The following LAMB1 variants were observed in gnomAD, a reference collection of about 807,000 sequenced individuals.
LAMB1 encodes the protein laminin subunit beta-1.
A neutral mutation model predicts 222.3 loss-of-function variants in LAMB1; 121 were observed. That is an observed-to-expected ratio of 0.54 (90% confidence interval 0.47 to 0.63). The LOEUF (loss-of-function observed/expected upper bound fraction) is 0.63, where lower values mean the gene tolerates loss of function less well. Ranked by LOEUF, LAMB1 falls within the 30% of genes least tolerant of loss-of-function variation. LAMB1 has a pLI of 0.00. For missense variants in LAMB1, 2,172 were observed against 2,240.8 expected, an observed-to-expected ratio of 0.97 and a Z score of 0.62; for synonymous variants, 794 against 807.2, an observed-to-expected ratio of 0.98 and a Z score of 0.28.
chr7:107,978,972 G>A (rs1268650677), intron 8 of LAMB1, among the ~76,000 whole-genome samples: 2 of 152,188 alleles, frequency 1.3e-5, no homozygotes, highest in East Asian at 1.9e-4. Flanking sequence ...AGGACAGACA[G>A]GTCCCTCCTG....
At chr7:107,963,171 C>A in intron 14 of LAMB1, 108 bp from the exon 15 acceptor site, 1 of 1,017,280 alleles carries the variant, frequency 9.8e-7, no homozygotes. Context: ...GGGTGGCTAC[C>A]TTATGTCTAT....
intron 26 of LAMB1, chr7:107,936,376 TA>T (rs906393096): frequency 1.3e-5 from 2 of 151,840 alleles, no homozygotes; most frequent in Admixed American, 1.3e-4. Context: ...GCCCATCTCT[TA>T]AAGAAAGAAA....
chr7:107,955,368 T>C (rs2033351493), intron 21 of LAMB1, 99 bp downstream of exon 21: 3 of 1,057,486 alleles, frequency 2.8e-6, no homozygotes, highest in Admixed American at 5.6e-5. Context: ...AAAAGTAGAC[T>C]TAATTGGTTC....
At chr7:107,939,851 A>C in intron 25 of LAMB1, 138 bp downstream of exon 25, 1 of 1,009,814 alleles carries the variant, frequency 9.9e-7, no homozygotes, top group Non-Finnish European at 1.5e-6. Context: ...GCTGGAAAAT[A>C]AATGGCTCAG....
At chr7:107,927,009 T>C (rs969938313) in intron 31 of LAMB1, among the ~76,000 whole-genome samples, 1 of 152,174 alleles carries the variant, frequency 6.6e-6, no homozygotes, top group Admixed American at 6.5e-5. Flanking sequence ...TTTTAAAAGC[T>C]AGCCAAAGTA....
chr7:107,999,715 C>T (rs2034347023), intron 3 of LAMB1: 1 of 149,846 alleles, frequency 6.7e-6, no homozygotes, highest in African/African-American at 2.5e-5. Flanking sequence ...AAAAGCACTT[C>T]ACAAATGCAT....
At chr7:107,948,707 T>C (rs1397613834) in intron 24 of LAMB1, among the ~76,000 whole-genome samples, 1 of 152,134 alleles carries the variant, frequency 6.6e-6, no homozygotes, top group East Asian at 1.9e-4. Flanking sequence ...TGTTTTCTTC[T>C]AATACAGGAG....
At chr7:107,992,306 G>A (rs2034201388) in intron 5 of LAMB1, among the ~76,000 whole-genome samples, 1 of 152,156 alleles carries the variant, frequency 6.6e-6, no homozygotes, top group African/African-American at 2.4e-5. Context: ...CTGAACTTCT[G>A]TTGTAGTCAT....
chr7:107,960,307 G>A (rs537074839), intron 18 of LAMB1, 138 bp downstream of exon 18: 73 of 630,102 alleles, frequency 1.2e-4, no homozygotes, highest in African/African-American at 9.7e-4. Context: ...AAAAGATAAA[G>A]ACAAACTGTA....
intron 31 of LAMB1, 107 bp from the exon 32 acceptor site, chr7:107,926,466 G>A: frequency 1.2e-6 from 1 of 838,720 alleles, no homozygotes; most frequent in Non-Finnish European, 1.8e-6. Flanking sequence ...TTTTGCTCTA[G>A]ACCAAAAGAA....
At chr7:107,951,481 G>T (rs900466362) in intron 23 of LAMB1, among the ~76,000 whole-genome samples, 159 bp from the exon 24 acceptor site, 1 of 152,192 alleles carries the variant, frequency 6.6e-6, no homozygotes, top group Non-Finnish European at 1.5e-5. Flanking sequence ...CGTAGGTGTC[G>T]AGAGCCCCAT....
chr7:107,951,622 C>G (rs191815454), intron 23 of LAMB1, among the ~76,000 whole-genome samples: 627 of 152,228 alleles, frequency 4.1e-3, no homozygotes, highest in African/African-American at 0.014. Flanking sequence ...ACTCGCCTGA[C>G]TTAGGGAGTA....
At chr7:107,956,426 C>T (rs1224425900) in intron 20 of LAMB1, among the ~76,000 whole-genome samples, 1 of 152,232 alleles carries the variant, frequency 6.6e-6, no homozygotes, top group East Asian at 1.9e-4. Flanking sequence ...ATTGATGCTG[C>T]TGATCTAGGG....
intron 8 of LAMB1, among the ~76,000 whole-genome samples, chr7:107,978,470 AAACT>A (rs1209622576): frequency 3.5e-5 from 5 of 142,914 alleles, no homozygotes; most frequent in Non-Finnish European, 8.1e-5. Flanking sequence ...AAAAAAAAAA[AAACT>A]AGTTACTTAA....
intron 13 of LAMB1, among the ~76,000 whole-genome samples, chr7:107,972,176 G>A (rs1562996996): frequency 6.6e-6 from 1 of 152,164 alleles, no homozygotes; most frequent in Non-Finnish European, 1.5e-5. Flanking sequence ...CAAATAAAGA[G>A]GACAAACACA....
chr7:107,975,556 G>A (rs1177794628), intron 10 of LAMB1, 133 bp downstream of exon 10: 22 of 1,226,200 alleles, frequency 1.8e-5, no homozygotes, highest in East Asian at 1.4e-4. Context: ...TCCACTCCCA[G>A]CGTCTTCAAC....
chr7:107,949,952 C>T (rs2237694), intron 24 of LAMB1, among the ~76,000 whole-genome samples: 43,671 of 152,078 alleles, frequency 0.29, 7,448 homozygotes, highest in Non-Finnish European at 0.38. Context: ...AGAGTCCTGG[C>T]CAGGCACAGT....
chr7:107,989,355 A>C (rs2034139157), intron 5 of LAMB1, among the ~76,000 whole-genome samples: 1 of 152,234 alleles, frequency 6.6e-6, no homozygotes, highest in Non-Finnish European at 1.5e-5. Flanking sequence ...AAATAAAGAC[A>C]CTTACTTCCG....
At chr7:107,955,928 C>T (rs193286392) in intron 20 of LAMB1, among the ~76,000 whole-genome samples, 15 of 151,556 alleles carry the variant, frequency 9.9e-5, no homozygotes, top group East Asian at 5.8e-4. Flanking sequence ...GATGGAGTCG[C>T]GCTCTGTTGC....
Sources: gnomAD v4.1 joint callset for allele counts (sites outside exome capture counted in the v4.1 genomes callset) on GRCh38, gnomAD v4.1.1 for gene constraint, MANE v1.5 for transcripts, NCBI Gene and HGNC (gene_info 2026-07-23, HGNC 2026-07-21) for gene names.